Variants in AGBL4 observed in about 807,000 individuals in gnomAD.
AGBL4 encodes the protein AGBL carboxypeptidase 4.
AGBL4 carries 58 observed loss-of-function variants against 66.4 expected under a neutral mutation model. That is an observed-to-expected ratio of 0.87 (90% CI 0.71 to 1.09). The LOEUF is 1.09. Ranked by LOEUF, AGBL4 falls within the 50% of genes least tolerant of loss-of-function variation. The pLI is 0.00. For synonymous variants in AGBL4, 234 were observed against 222.9 expected, an observed-to-expected ratio of 1.05 and a Z score of -0.44; for missense variants, 579 against 631.0, an observed-to-expected ratio of 0.92 and a Z score of 0.88.
chr1:48,631,544 CCA>C (rs766605489), intron 9 of AGBL4, among the ~76,000 whole-genome samples: 4 of 152,172 alleles, frequency 2.6e-5, no homozygotes, highest in Non-Finnish European at 5.9e-5. Flanking sequence ...GCATGTGCCA[CCA>C]CACCTGGCTA....
intron 3 of AGBL4, among the ~76,000 whole-genome samples, chr1:49,556,336 T>C (rs1042233749): frequency 7.9e-5 from 12 of 151,624 alleles, no homozygotes; most frequent in Non-Finnish European, 1.2e-4. Context: ...TAAGGAACAC[T>C]TGGACACAGG....
Position 49,441,361 on chromosome 1 carries a change from T to G in AGBL4, c.283-195497A>C, listed in dbSNP as rs530287140. 2.7e-4 allele frequency among the ~76,000 whole-genome samples: 41 copies of G among 152,316 alleles called. 1 individual carries two copies. Among genetic ancestry groups the G allele is most frequent in the South Asian group, 2.5e-3 (12 of 4,820 alleles). ...TAAGAAGGGACTCTGCATTTAATGT[T>G]GCAGCTCCAGGAATTAAAAAAGGCT... On this transcript the variant is annotated intron_variant, in intron 3 of 13. Coordinates refer to ENST00000371839, the MANE Select transcript of AGBL4 (RefSeq NM_032785.4).
intron 5 of AGBL4, among the ~76,000 whole-genome samples, chr1:48,950,927 T>C (rs925192325): frequency 2.0e-5 from 3 of 152,212 alleles, no homozygotes; most frequent in African/African-American, 7.2e-5. Context: ...TTGGTACTTA[T>C]AGCCTTAATA....
chr1:49,192,640 T>C (rs1647143947), intron 4 of AGBL4, among the ~76,000 whole-genome samples: 1 of 152,252 alleles, frequency 6.6e-6, no homozygotes, highest in Non-Finnish European at 1.5e-5. Context: ...GTATGTCTTC[T>C]TTTGAGAAGC....
intron 11 of AGBL4, among the ~76,000 whole-genome samples, chr1:48,542,768 T>C (rs993728208): frequency 6.6e-6 from 1 of 152,136 alleles, no homozygotes; most frequent in African/African-American, 2.4e-5. Context: ...ATTGCAAAAA[T>C]TTTCTTCCAT....
In AGBL4 at chr1:49,410,785, T is replaced by C. The variant is rs1347169086; in HGVS notation, c.283-164921A>G. Reference sequence around the variant, plus strand: ...AGTCATCTGTAAAATCTCTGATACATTGGATATGCTAGGATCCCTCACACC... The same window carrying C: ...AGTCATCTGTAAAATCTCTGATACACTGGATATGCTAGGATCCCTCACACC... On this transcript the variant is annotated intron_variant, in intron 3 of 13. Transcript: ENST00000371839. Among the ~76,000 whole-genome samples the C allele has an allele frequency of 2.6e-5, 4 of 152,190 alleles. No homozygotes were observed. The East Asian group carries it at 7.7e-4, about 29-fold the overall frequency.
At chr1:49,742,403 A>G (rs374032188) in intron 2 of AGBL4, among the ~76,000 whole-genome samples, 14 of 152,184 alleles carry the variant, frequency 9.2e-5, no homozygotes, top group Middle Eastern at 3.4e-3. Flanking sequence ...AATAAAAGAG[A>G]ATACAAACAA....
intron 3 of AGBL4, among the ~76,000 whole-genome samples, chr1:49,628,157 A>G (rs1352218513): frequency 6.6e-6 from 1 of 152,132 alleles, no homozygotes; most frequent in Admixed American, 6.6e-5. Flanking sequence ...TCTACTGTGA[A>G]TGGTATATTC....
intron 3 of AGBL4, among the ~76,000 whole-genome samples, chr1:49,380,086 G>T (rs1570571753): frequency 6.6e-6 from 1 of 152,136 alleles, no homozygotes; most frequent in Non-Finnish European, 1.5e-5. Context: ...CGACATGATT[G>T]TATATCTAGA....
In AGBL4 at chr1:48,534,381, C is replaced by T; in HGVS notation, c.1392-88G>A. ...TTTGTGTGCATGTCTATCTTCCCCA[C>T]TGGACTGTAGCCTCCCAGGAACAGT... On this transcript the variant is annotated intron_variant, in intron 13 of 13. Transcript: ENST00000371839. 1.1e-5 allele frequency: 16 copies of T among 1,457,586 alleles called. No individual in the cohort carries two copies. In the South Asian group the frequency reaches 2.2e-4, roughly 20 times the overall value. 90.3% of individuals were successfully genotyped at this position (1,457,586 alleles called of 1,614,324 possible).
chr1:49,471,850 T>G (rs527940356), intron 3 of AGBL4: 2 of 151,974 alleles, frequency 1.3e-5, no homozygotes, highest in Admixed American at 6.6e-5. Context: ...ACTGTAACAA[T>G]GTGTCCCAAC....
intron 5 of AGBL4, among the ~76,000 whole-genome samples, chr1:48,954,609 CAT>C (rs769132372): frequency 3.9e-5 from 6 of 152,178 alleles, no homozygotes; most frequent in Admixed American, 6.5e-5. Flanking sequence ...GTGGTTATAA[CAT>C]ATGGATTTTG....
intron 1 of AGBL4, among the ~76,000 whole-genome samples, chr1:49,948,045 TATATAAATATATATATGTAA>T (rs1376284493): frequency 4.6e-4 from 3 of 6,546 alleles, no homozygotes; most frequent in East Asian, 4.2e-3. Context: ...TACATATAAA[TATATAAATATATATATGTAA>T]ATATATGTAA....
intron 3 of AGBL4, among the ~76,000 whole-genome samples, chr1:49,247,476 CT>C (rs1295658196): frequency 6.6e-6 from 1 of 152,022 alleles, no homozygotes; most frequent in African/African-American, 2.4e-5. Flanking sequence ...CTAGACTTGC[CT>C]TTTGTCAATT....
chr1:49,814,942 C>T (rs751210709), intron 2 of AGBL4, among the ~76,000 whole-genome samples: 24 of 152,114 alleles, frequency 1.6e-4, no homozygotes, highest in Admixed American at 2.6e-4. Flanking sequence ...TTGATAGAGA[C>T]GTGCAATGCA....
chr1:48,566,404 C>T (rs1349255943), intron 11 of AGBL4, among the ~76,000 whole-genome samples: 2 of 152,190 alleles, frequency 1.3e-5, no homozygotes, highest in African/African-American at 4.8e-5. Flanking sequence ...GGGCTAAATG[C>T]CATCACTTCA....
intron 6 of AGBL4, among the ~76,000 whole-genome samples, chr1:48,738,281 G>T (rs1649378507): frequency 6.6e-6 from 1 of 152,216 alleles, no homozygotes; most frequent in Non-Finnish European, 1.5e-5. Context: ...TTGCTCAAAA[G>T]ATCAGTCAGA....
chr1:48,966,403 A>G (rs1325178136), intron 5 of AGBL4, among the ~76,000 whole-genome samples: 6 of 152,148 alleles, frequency 3.9e-5, no homozygotes, highest in African/African-American at 9.7e-5. Context: ...TCACTTTCAG[A>G]CAGACTATTG....
chr1:49,247,973 T>C (rs891702954), intron 3 of AGBL4, among the ~76,000 whole-genome samples: 1 of 152,168 alleles, frequency 6.6e-6, no homozygotes, highest in African/African-American at 2.4e-5. Context: ...ATAAAGATCA[T>C]ACCTTCTCTA....
Sources: allele counts gnomAD v4.1 joint callset (sites outside exome capture counted in the v4.1 genomes callset), GRCh38; gene constraint gnomAD v4.1.1; transcripts MANE v1.5; gene names NCBI Gene and HGNC (gene_info 2026-07-23, HGNC 2026-07-21).